The following NR3C2 variants were observed in gnomAD, a reference collection of about 807,000 sequenced individuals.
The protein encoded by NR3C2 is nuclear receptor subfamily 3 group C member 2, also known as mineralocorticoid receptor.
NR3C2 carries 15 observed loss-of-function variants against 86.4 expected under a neutral mutation model. The observed-to-expected ratio is 0.17, with a 90% CI of 0.12 to 0.27. The LOEUF (loss-of-function observed/expected upper bound fraction) is 0.27, where lower values mean the gene tolerates loss of function less well. Among genes scored for constraint, NR3C2 ranks in the 10% least tolerant of loss-of-function variants. The pLI, the probability that NR3C2 is intolerant of heterozygous loss-of-function variation, is 1.00. For synonymous variants in NR3C2, 458 were observed against 450.5 expected (o/e 1.02, Z -0.21); for missense variants, 960 against 1,195.6 (o/e 0.80, Z 2.91).
intron 2 of NR3C2, among the ~76,000 whole-genome samples, chr4:148,415,582 G>C (rs1748951501): frequency 6.6e-6 from 1 of 152,022 alleles, no homozygotes; most frequent in Non-Finnish European, 1.5e-5. Context: ...ATTCTCAGGG[G>C]GCATGTGCAG....
At chr4:148,404,562 G>A (rs1748321601) in intron 2 of NR3C2, among the ~76,000 whole-genome samples, 1 of 152,082 alleles carries the variant, frequency 6.6e-6, no homozygotes, top group African/African-American at 2.4e-5. Context: ...TATAATGCTA[G>A]TGTAATGCTC....
chr4:148,366,922 A>G (rs886822431), intron 2 of NR3C2, among the ~76,000 whole-genome samples: 12 of 152,098 alleles, frequency 7.9e-5, no homozygotes, highest in African/African-American at 2.9e-4. Context: ...AATAACACCA[A>G]CCTACAAAAA....
At chr4:148,212,938 A>G (rs767776215) in intron 3 of NR3C2, among the ~76,000 whole-genome samples, 22 of 152,218 alleles carry the variant, frequency 1.4e-4, no homozygotes, top group Non-Finnish European at 3.1e-4. Context: ...ACAATTACCT[A>G]TGATAAAATG....
chr4:148,435,680 A>G lies in NR3C2; in HGVS notation c.1181T>C (p.Ile394Thr). The G allele has an allele frequency of 6.2e-7, 1 of 1,614,190 alleles. No individual in the cohort carries two copies. Among genetic ancestry groups the G allele is most frequent in the Non-Finnish European group, 8.5e-7 (1 of 1,180,038 alleles). ...ISNGVTGQLN[I>T]VQYIKPEPDG... ...TGGTTCTGGTTTTATGTACTGGACAATATTAAGCTGGCCAGTCACACCATT... is the reference window on the plus strand; with the variant it reads ...TGGTTCTGGTTTTATGTACTGGACAGTATTAAGCTGGCCAGTCACACCATT... Residue 394 changes from isoleucine to threonine, a missense_variant, in exon 2 of 9, where the codon ATT becomes ACT. Ile to Thr is a moderately conservative substitution (Grantham distance 89). Transcript: ENST00000358102.
chr4:148,334,479 T>G (rs936898751), intron 2 of NR3C2, among the ~76,000 whole-genome samples: 4 of 152,060 alleles, frequency 2.6e-5, no homozygotes, highest in Non-Finnish European at 5.9e-5. Context: ...GAAGTGGAGG[T>G]TGCAGTGAGC....
chr4:148,357,627 C>T (rs61761541), intron 2 of NR3C2, among the ~76,000 whole-genome samples: 1,897 of 152,212 alleles, frequency 0.012, 17 homozygotes, highest in Non-Finnish European at 0.02. Context: ...TAGGAAAATA[C>T]CAACATGACA....
intron 2 of NR3C2, among the ~76,000 whole-genome samples, chr4:148,294,526 C>T (rs1391901955): frequency 6.7e-6 from 1 of 149,458 alleles, no homozygotes; most frequent in African/African-American, 2.5e-5. Context: ...ATAATCATTA[C>T]CTACTCCCTC....
At chr4:148,393,543 C>T (rs543252171) in intron 2 of NR3C2, among the ~76,000 whole-genome samples, 16 of 152,112 alleles carry the variant, frequency 1.1e-4, no homozygotes, top group South Asian at 6.2e-4. Context: ...GTGGTGGGGA[C>T]GGTGATGAAC....
intron 6 of NR3C2, among the ~76,000 whole-genome samples, chr4:148,122,262 G>T (rs1329066750): frequency 6.6e-6 from 1 of 152,038 alleles, no homozygotes; most frequent in African/African-American, 2.4e-5. Flanking sequence ...CTCGCACTGA[G>T]TAACACCATT....
At chr4:148,421,528 G>A (rs941914642) in intron 2 of NR3C2, among the ~76,000 whole-genome samples, 1 of 152,158 alleles carries the variant, frequency 6.6e-6, no homozygotes, top group Admixed American at 6.5e-5. Context: ...AGTATGATGA[G>A]AAAACATTTA....
intron 2 of NR3C2, among the ~76,000 whole-genome samples, chr4:148,428,514 C>T (rs2126632590): frequency 6.6e-6 from 1 of 152,214 alleles, no homozygotes; most frequent in South Asian, 2.1e-4. Context: ...GGACAAACAG[C>T]AAAAGAGTAG....
At chr4:148,182,554 C>T (rs1173342554) in intron 4 of NR3C2, among the ~76,000 whole-genome samples, 1 of 152,148 alleles carries the variant, frequency 6.6e-6, no homozygotes, top group Non-Finnish European at 1.5e-5. Flanking sequence ...AGATTTTTTA[C>T]CAAAACCCAT....
intron 3 of NR3C2, among the ~76,000 whole-genome samples, chr4:148,257,462 T>C (rs1739888530): frequency 6.6e-6 from 1 of 152,134 alleles, no homozygotes; most frequent in Non-Finnish European, 1.5e-5. Context: ...AGACTTTAGG[T>C]TAGGTGTAGG....
At chr4:148,115,551 C>T (rs980085635) in intron 7 of NR3C2, among the ~76,000 whole-genome samples, 2 of 152,142 alleles carry the variant, frequency 1.3e-5, no homozygotes, top group Non-Finnish European at 2.9e-5. Context: ...TAATTATTTA[C>T]TTTGGTCATC....
At chr4:148,283,716 T>C (rs1400818468) in intron 2 of NR3C2, among the ~76,000 whole-genome samples, 1 of 152,186 alleles carries the variant, frequency 6.6e-6, no homozygotes, top group Non-Finnish European at 1.5e-5. Flanking sequence ...ATGCAACCTA[T>C]ATAATAAAAA....
intron 2 of NR3C2, among the ~76,000 whole-genome samples, chr4:148,313,256 A>G (rs2149939370): frequency 6.6e-6 from 1 of 152,260 alleles, no homozygotes; most frequent in South Asian, 2.1e-4. Flanking sequence ...AAACACAACC[A>G]CTTTAAACAT....
chr4:148,260,313 C>T (rs72655235), intron 2 of NR3C2, among the ~76,000 whole-genome samples, 196 bp from the exon 3 acceptor site: 16 of 152,306 alleles, frequency 1.1e-4, no homozygotes, highest in African/African-American at 3.1e-4. Flanking sequence ...TATTGTGTAG[C>T]AAAGCCTCTT....
intron 2 of NR3C2, among the ~76,000 whole-genome samples, chr4:148,290,883 C>A (rs1741765133): frequency 6.6e-6 from 1 of 152,144 alleles, no homozygotes; most frequent in Admixed American, 6.5e-5. Context: ...AGATGGTCGT[C>A]ATCTCTGTTC....
chr4:148,431,225 G>A (rs1412184597), intron 2 of NR3C2, among the ~76,000 whole-genome samples: 1 of 151,868 alleles, frequency 6.6e-6, no homozygotes, highest in African/African-American at 2.4e-5. Flanking sequence ...ATCATAGATC[G>A]CCCCTCCTCA....
Sources: allele counts gnomAD v4.1 joint callset (sites outside exome capture counted in the v4.1 genomes callset), GRCh38; gene constraint gnomAD v4.1.1; transcripts MANE v1.5; gene names NCBI Gene and HGNC (gene_info 2026-07-23, HGNC 2026-07-21).